Variants in NEGR1 observed in about 807,000 individuals in gnomAD.
The protein encoded by NEGR1 is neuronal growth regulator 1.
In NEGR1, 10 loss-of-function variants were observed where a neutral mutation model predicts 40.9. That is an observed-to-expected ratio of 0.24 (90% CI 0.15 to 0.42). NEGR1 has a LOEUF of 0.42. Among genes scored for constraint, NEGR1 ranks in the 10% least tolerant of loss-of-function variants. The pLI is 1.00. For missense variants in NEGR1, 352 were observed against 438.9 expected (o/e 0.80, Z 1.77); for synonymous variants, 185 against 166.8 (o/e 1.11, Z -0.84).
At chr1:71,688,423 T>TATATAAAAGAG (rs1653132929) in intron 4 of NEGR1, among the ~76,000 whole-genome samples, 1 of 142,004 alleles carries the variant, frequency 7.0e-6, no homozygotes, top group Non-Finnish European at 1.5e-5. Flanking sequence ...ATAAAAGATA[T>TATATAAAAGAG]ATATATAAAA....
chr1:71,422,082 A>G (rs1646398348), intron 6 of NEGR1, among the ~76,000 whole-genome samples: 1 of 152,182 alleles, frequency 6.6e-6, no homozygotes, highest in Non-Finnish European at 1.5e-5. Flanking sequence ...GATATTTTGC[A>G]AAGTTTAAGC....
Position 72,126,766 on chromosome 1 carries a change from G to C in NEGR1, c.176+155553C>G, listed in dbSNP as rs1056275593. ...GAGAACTTTATTATTCATTGCATGA[G>C]CTTCATGTCCTCATAAGTTCTCCTT... On this transcript the variant is annotated intron_variant, in intron 1 of 6. Transcript: ENST00000357731. Among the ~76,000 whole-genome samples the C allele has an allele frequency of 2.6e-5, 4 of 152,134 alleles. No homozygotes were observed. The South Asian group carries it at 8.3e-4, about 32-fold the overall frequency.
chr1:71,927,586 T>C (rs1016799789), intron 2 of NEGR1, among the ~76,000 whole-genome samples: 1 of 151,722 alleles, frequency 6.6e-6, no homozygotes, highest in Non-Finnish European at 1.5e-5. Context: ...TTCTAAATTG[T>C]TTAGATATCA....
chr1:71,662,924 A>G (rs1652114109), intron 4 of NEGR1, among the ~76,000 whole-genome samples: 1 of 151,530 alleles, frequency 6.6e-6, no homozygotes, highest in African/African-American at 2.4e-5. Context: ...CTCTGGAATT[A>G]ATTACTTCTA....
chr1:71,505,590 C>T (rs1415600460), intron 6 of NEGR1, among the ~76,000 whole-genome samples: 1 of 152,194 alleles, frequency 6.6e-6, no homozygotes, highest in Admixed American at 6.5e-5. Context: ...CCCCTACACC[C>T]TCTTTAGTAA....
intron 1 of NEGR1, among the ~76,000 whole-genome samples, chr1:72,126,410 T>C (rs1240872390): frequency 1.3e-5 from 2 of 152,314 alleles, no homozygotes; most frequent in East Asian, 1.9e-4. Context: ...TCTGATTAAG[T>C]ATTTACTACT....
At chr1:72,096,883 C>G (rs1648722852) in intron 1 of NEGR1, among the ~76,000 whole-genome samples, 1 of 151,866 alleles carries the variant, frequency 6.6e-6, no homozygotes, top group Non-Finnish European at 1.5e-5. Flanking sequence ...AGAGTTTCAC[C>G]ATGTTAGCCA....
chr1:71,430,048 T>C (rs117073179), intron 6 of NEGR1, among the ~76,000 whole-genome samples: 2,195 of 152,312 alleles, frequency 0.014, 38 homozygotes, highest in South Asian at 0.077. Flanking sequence ...ATAAATGTTA[T>C]ATAATTGAAA....
chr1:71,881,881 G>T (rs1181953902), intron 2 of NEGR1, among the ~76,000 whole-genome samples: 4 of 152,044 alleles, frequency 2.6e-5, no homozygotes, highest in Non-Finnish European at 4.4e-5. Flanking sequence ...CTACATCTGT[G>T]TACTGTAAAA....
At chr1:71,762,643 C>T (rs1005808909) in intron 3 of NEGR1, among the ~76,000 whole-genome samples, 2 of 152,174 alleles carry the variant, frequency 1.3e-5, no homozygotes, top group African/African-American at 2.4e-5. Flanking sequence ...TATACTATAA[C>T]TGGGAAAGAT....
chr1:71,938,175 G>A (rs1311558356), intron 1 of NEGR1, among the ~76,000 whole-genome samples: 1 of 151,936 alleles, frequency 6.6e-6, no homozygotes, highest in East Asian at 1.9e-4. Flanking sequence ...GCTGAATTTT[G>A]TAGAATTATT....
At chr1:71,847,600 TAATC>T (rs1659464345) in intron 2 of NEGR1, among the ~76,000 whole-genome samples, 1 of 152,190 alleles carries the variant, frequency 6.6e-6, no homozygotes, top group Admixed American at 6.5e-5. Context: ...ATGGCAAGCT[TAATC>T]AATAAATGTT....
chr1:71,630,899 G>A (rs1406537887), intron 4 of NEGR1, among the ~76,000 whole-genome samples: 1 of 151,810 alleles, frequency 6.6e-6, no homozygotes, highest in African/African-American at 2.4e-5. Flanking sequence ...TATTAGTTAT[G>A]TTGCCCTAAT....
rs74922175 is a variant in NEGR1 at position 71,399,615 on chromosome 1, T to G, written c.*7831A>C. On this transcript the variant is annotated 3_prime_UTR_variant, in exon 7 of 7. Coordinates refer to ENST00000357731, the MANE Select transcript of NEGR1 (RefSeq NM_173808.3). ...CTTGCAAGCTTATTTTCCAGATCAC[T>G]GATAGCAATGCGATTTTGTATTTGT... 1,394 of 152,346 alleles carry G rather than the reference T, an allele frequency of 9.2e-3. 22 individuals are homozygous for G. The highest frequency in any genetic ancestry group is 0.031 in the African/African-American group (1,307 of 41,586). 9.4% of individuals were successfully genotyped at this position (152,346 alleles called of 1,614,324 possible).
At chr1:71,418,083 T>TTA (rs1646368248) in intron 6 of NEGR1, among the ~76,000 whole-genome samples, 1 of 151,432 alleles carries the variant, frequency 6.6e-6, no homozygotes, top group Non-Finnish European at 1.5e-5. Context: ...CACTTTTTTT[T>TTA]TTTTTTTGAG....
chr1:71,871,402 T>G (rs937316215), intron 2 of NEGR1, among the ~76,000 whole-genome samples: 1 of 152,142 alleles, frequency 6.6e-6, no homozygotes, highest in Non-Finnish European at 1.5e-5. Context: ...TAATATTGTC[T>G]TGTCAGGTCA....
At chr1:71,563,904 G>T (rs182190138) in intron 6 of NEGR1, among the ~76,000 whole-genome samples, 1 of 151,540 alleles carries the variant, frequency 6.6e-6, no homozygotes, top group Non-Finnish European at 1.5e-5. Flanking sequence ...GGTGTCCTTT[G>T]CCCTGACTAT....
At chr1:71,642,481 C>T (rs1296244272) in intron 4 of NEGR1, among the ~76,000 whole-genome samples, 1 of 151,798 alleles carries the variant, frequency 6.6e-6, no homozygotes, top group African/African-American at 2.4e-5. Context: ...TGAAAGAGAT[C>T]AACTTTGTAA....
At chr1:72,068,314 T>C (rs927464249) in intron 1 of NEGR1, among the ~76,000 whole-genome samples, 8 of 152,152 alleles carry the variant, frequency 5.3e-5, no homozygotes, top group African/African-American at 1.7e-4. Context: ...CATTGTCCCA[T>C]GAGAGGATCC....
Sources: allele counts gnomAD v4.1 joint callset (sites outside exome capture counted in the v4.1 genomes callset), GRCh38; gene constraint gnomAD v4.1.1; transcripts MANE v1.5; gene names NCBI Gene and HGNC (gene_info 2026-07-23, HGNC 2026-07-21).